Variants in FRAS1 observed in about 807,000 individuals in gnomAD.
FRAS1 encodes the protein extracellular matrix organizing protein FRAS1.
In FRAS1, 290 loss-of-function variants were observed where a neutral mutation model predicts 435.2. The observed-to-expected ratio is 0.67, with a 90% CI of 0.61 to 0.73. The LOEUF (loss-of-function observed/expected upper bound fraction) is 0.73, where lower values mean the gene tolerates loss of function less well. FRAS1 is among the 30% of genes least tolerant of loss of function. The pLI, the probability that FRAS1 is intolerant of heterozygous loss-of-function variation, is 0.00. For missense variants in FRAS1, 4,860 were observed against 5,001.5 expected, an observed-to-expected ratio of 0.97 and a Z score of 0.85; for synonymous variants, 1,800 against 1,851.0, an observed-to-expected ratio of 0.97 and a Z score of 0.71.
chr4:78,302,571 A>C (rs1233853204), intron 14 of FRAS1, among the ~76,000 whole-genome samples: 1 of 151,984 alleles, frequency 6.6e-6, no homozygotes, highest in South Asian at 2.1e-4. Flanking sequence ...ATGGTATCTC[A>C]TTGTGGTTTT....
At chr4:78,092,810 G>A (rs760480404) in intron 2 of FRAS1, among the ~76,000 whole-genome samples, 18 of 152,274 alleles carry the variant, frequency 1.2e-4, no homozygotes, top group African/African-American at 3.6e-4. Context: ...CAGATGCATC[G>A]ATAGAGACTG....
intron 19 of FRAS1, among the ~76,000 whole-genome samples, chr4:78,336,899 G>GTCA (rs1730191319): frequency 6.6e-6 from 1 of 152,146 alleles, no homozygotes; most frequent in African/African-American, 2.4e-5. Flanking sequence ...CCTTGGCAGC[G>GTCA]TCAATGCAGC....
At chr4:78,137,586 A>T (rs1037095673) in intron 2 of FRAS1, among the ~76,000 whole-genome samples, 1 of 152,252 alleles carries the variant, frequency 6.6e-6, no homozygotes, top group Non-Finnish European at 1.5e-5. Flanking sequence ...GGAAGGTTCA[A>T]GTACTGTCTG....
At chr4:78,378,141 C>G (rs1345114716) in intron 26 of FRAS1, among the ~76,000 whole-genome samples, 1 of 152,130 alleles carries the variant, frequency 6.6e-6, no homozygotes, top group African/African-American at 2.4e-5. Flanking sequence ...TTTGCCTATT[C>G]TAGACATCTC....
intron 2 of FRAS1, among the ~76,000 whole-genome samples, chr4:78,188,557 A>G (rs1357336215): frequency 6.6e-6 from 1 of 152,182 alleles, no homozygotes; most frequent in African/African-American, 2.4e-5. Context: ...AGGCCCAACA[A>G]GAATATAAAG....
At chr4:78,207,854 G>A (rs911519322) in intron 2 of FRAS1, among the ~76,000 whole-genome samples, 1 of 152,170 alleles carries the variant, frequency 6.6e-6, no homozygotes, top group Non-Finnish European at 1.5e-5. Flanking sequence ...TTAGAATGAA[G>A]ACATGACTTC....
intron 38 of FRAS1, among the ~76,000 whole-genome samples, 169 bp from the exon 39 acceptor site, chr4:78,438,401 A>G (rs917708784): frequency 6.6e-6 from 1 of 152,186 alleles, no homozygotes; most frequent in Admixed American, 6.5e-5. Flanking sequence ...AAGAATAAAC[A>G]CTGGGATTTT....
In FRAS1 at chr4:78,181,247, T is replaced by C. The variant is rs569929213; in HGVS notation, c.109-56263T>C. On this transcript the variant is annotated intron_variant, in intron 2 of 73. Transcript: ENST00000512123. ...CAAAGTCATCTCTTTTGGACCCTCC[T>C]CTTTTACCTCTTCAACATCATTCTC... 38 of 1,609,420 alleles carry C rather than the reference T, an allele frequency of 2.4e-5. No homozygotes were observed. The African/African-American group carries it at 5.1e-4, about 21-fold the overall frequency.
intron 2 of FRAS1, among the ~76,000 whole-genome samples, chr4:78,171,477 A>G (rs1721555898): frequency 6.6e-6 from 1 of 152,144 alleles, no homozygotes; most frequent in South Asian, 2.1e-4. Flanking sequence ...GAATTCTTCA[A>G]CTTGCTCTTT....
intron 46 of FRAS1, 139 bp downstream of exon 46, chr4:78,452,030 T>C (rs1719041933): frequency 4.1e-6 from 5 of 1,230,620 alleles, no homozygotes; most frequent in African/African-American, 1.5e-5. Context: ...ACCCCCTTTA[T>C]TGCACGAAGC....
chr4:78,466,415 A>G lies in FRAS1; in HGVS notation c.7237A>G (p.Ile2413Val), dbSNP rs372857591. 2.0e-5 allele frequency: 32 copies of G among 1,613,222 alleles called. No individual in the cohort carries two copies. The highest frequency in any genetic ancestry group is 2.7e-5 in the Non-Finnish European group (32 of 1,179,494). The change falls in exon 50 of 74, where the codon ATT becomes GTT. Residue 2413 changes from isoleucine to valine, a missense_variant. By Grantham distance (29) the Ile-to-Val change is conservative. Coordinates refer to ENST00000512123, the MANE Select transcript of FRAS1 (RefSeq NM_025074.7). ...TGATGGGACAAACCCCTTCTTTATC[A>G]TTGAGGAAGGGGGAAAAGAGGTGAG... is the stretch of plus-strand genomic sequence containing the variant. ...VSDGTNPFFI[I>V]EEGGKEIMTA... is the part of the protein sequence containing the mutation.
intron 2 of FRAS1, among the ~76,000 whole-genome samples, chr4:78,222,977 A>G (rs948387015): frequency 4.6e-5 from 7 of 152,154 alleles, no homozygotes; most frequent in East Asian, 1.9e-4. Context: ...GGATTTAACA[A>G]TGAACCCTGG....
chr4:78,416,524 G>T, intron 32 of FRAS1, among the ~76,000 whole-genome samples: 1 of 151,976 alleles, frequency 6.6e-6, no homozygotes, highest in Non-Finnish European at 1.5e-5. Context: ...GAAACACCCA[G>T]TGTCTGAGGA....
At chr4:78,115,519 T>C (rs559637395) in intron 2 of FRAS1, among the ~76,000 whole-genome samples, 1 of 152,326 alleles carries the variant, frequency 6.6e-6, no homozygotes, top group South Asian at 2.1e-4. Context: ...CTGTTATTGA[T>C]CTATTCAGAG....
At chr4:78,210,926 A>C (rs1169498921) in intron 2 of FRAS1, among the ~76,000 whole-genome samples, 1 of 152,154 alleles carries the variant, frequency 6.6e-6, no homozygotes, top group East Asian at 1.9e-4. Flanking sequence ...TGGGCACCCC[A>C]TGTCCGCACC....
intron 60 of FRAS1, among the ~76,000 whole-genome samples, chr4:78,498,442 G>A (rs1560413597): frequency 2.0e-5 from 3 of 151,572 alleles, no homozygotes; most frequent in African/African-American, 4.8e-5. Flanking sequence ...GGAGGTGGAA[G>A]TTGCAGTGAG....
At chr4:78,407,957 C>A in intron 31 of FRAS1, 116 bp downstream of exon 31, 1 of 857,976 alleles carries the variant, frequency 1.2e-6, no homozygotes, top group Non-Finnish European at 1.7e-6. Flanking sequence ...ATTTGGGGGA[C>A]GTGTTAGTTC....
At chr4:78,181,930 T>C in intron 2 of FRAS1, 1 of 1,608,644 alleles carries the variant, frequency 6.2e-7, no homozygotes, top group Admixed American at 1.7e-5. Context: ...TGCCGGCTTC[T>C]TTTTTCTTGT....
intron 1 of FRAS1, among the ~76,000 whole-genome samples, chr4:78,065,311 A>G (rs933517177): frequency 3.3e-5 from 5 of 150,730 alleles, no homozygotes; most frequent in Non-Finnish European, 7.4e-5. Flanking sequence ...TAGTGTATAT[A>G]TTCTCTCTAT....
Sources: gnomAD v4.1 joint callset for allele counts (sites outside exome capture counted in the v4.1 genomes callset) on GRCh38, gnomAD v4.1.1 for gene constraint, MANE v1.5 for transcripts, NCBI Gene and HGNC (gene_info 2026-07-23, HGNC 2026-07-21) for gene names.